IGFL2: variants seen among roughly 807,000 people sequenced by gnomAD.
IGFL2 encodes IGF like family member 2, also known as insulin growth factor-like family member 2.
In IGFL2, 7 loss-of-function variants were observed where a neutral mutation model predicts 13.9. That is an observed-to-expected ratio of 0.51 (90% CI 0.29 to 0.95). The LOEUF (loss-of-function observed/expected upper bound fraction) is 0.95. Among genes scored for constraint, IGFL2 ranks in the 40% least tolerant of loss-of-function variants. The probability of loss-of-function intolerance (pLI) is 0.08; values close to 1 mark genes in which losing one functional copy is unlikely to be tolerated. For missense variants in IGFL2, 138 were observed against 147.8 expected (o/e 0.93, Z 0.34); for synonymous variants, 55 against 55.8 (o/e 0.99, Z 0.07).
chr19:46,144,367 C>G (rs1353847529), upstream of IGFL2, among the ~76,000 whole-genome samples: 6 of 152,220 alleles, frequency 3.9e-5, no homozygotes, highest in Non-Finnish European at 8.8e-5. Context: ...CAAGTCATGA[C>G]TTGCTGATAC....
chr19:46,179,346 TG>T, the IGFL2 span: 428 of 42,576 alleles, frequency 0.01, 1 homozygote, highest in East Asian at 0.035. Flanking sequence ...GGTCATAGGG[TG>T]GGGGGGGTCT....
At chr19:46,137,753 TGA>T in the IGFL2 span, among the ~76,000 whole-genome samples, 1 of 152,230 alleles carries the variant, frequency 6.6e-6, no homozygotes, top group African/African-American at 2.4e-5. Context: ...CTGACTGAGT[TGA>T]TTCAAAGAAC....
chr19:46,100,563 A>G, the IGFL2 span, among the ~76,000 whole-genome samples: 7 of 152,360 alleles, frequency 4.6e-5, no homozygotes, highest in Admixed American at 1.3e-4. Context: ...TAGGGAAACA[A>G]TCAGATATGC....
chr19:46,200,765 TC>T, the IGFL2 span: 5 of 152,090 alleles, frequency 3.3e-5, no homozygotes, highest in Admixed American at 1.3e-4. Context: ...AAGCAATTCT[TC>T]CTCATCAGCC....
At chr19:46,202,350 C>CTGT in the IGFL2 span, among the ~76,000 whole-genome samples, 2 of 151,816 alleles carry the variant, frequency 1.3e-5, no homozygotes, top group African/African-American at 4.8e-5. Context: ...GGGTCAAATG[C>CTGT]TGTTGCAGAA....
chr19:46,211,224 G>A, the IGFL2 span, among the ~76,000 whole-genome samples: 8 of 152,310 alleles, frequency 5.3e-5, no homozygotes, highest in East Asian at 9.7e-4. Context: ...TGCATCATAC[G>A]AAGGATCCTG....
chr19:46,192,335 G>A, the IGFL2 span, among the ~76,000 whole-genome samples: 1 of 152,156 alleles, frequency 6.6e-6, no homozygotes, highest in East Asian at 1.9e-4. Flanking sequence ...AAGAATGCTC[G>A]ATGCTCAAAT....
At chr19:46,155,741 C>T (rs1181292571) in intron 1 of IGFL2, among the ~76,000 whole-genome samples, 2 of 152,108 alleles carry the variant, frequency 1.3e-5, no homozygotes, top group African/African-American at 4.8e-5. Context: ...ATTAAAAGGA[C>T]TAATCTTTGC....
At chr19:46,194,830 T>TTATATATATATATATATA in the IGFL2 span, among the ~76,000 whole-genome samples, 1 of 46,792 alleles carries the variant, frequency 2.1e-5, no homozygotes, top group African/African-American at 1.0e-4. Context: ...CTTCCTCATT[T>TTATATATATATATATATA]TATATATATA....
At chr19:46,151,946 A>G (rs776562716) in intron 1 of IGFL2, among the ~76,000 whole-genome samples, 8 of 152,208 alleles carry the variant, frequency 5.3e-5, no homozygotes, top group East Asian at 3.8e-4. Context: ...CATTGATTCT[A>G]TAGATCAATT....
the IGFL2 span, among the ~76,000 whole-genome samples, chr19:46,080,506 A>G: frequency 2.0e-5 from 3 of 152,338 alleles, no homozygotes; most frequent in South Asian, 2.1e-4. Flanking sequence ...TTTGAATGTT[A>G]TAATAATTTT....
the IGFL2 span, among the ~76,000 whole-genome samples, chr19:46,196,527 C>T: frequency 1.3e-5 from 2 of 152,220 alleles, no homozygotes; most frequent in African/African-American, 4.8e-5. Context: ...CAGTGCCAGC[C>T]ACACCCATAG....
the IGFL2 span, among the ~76,000 whole-genome samples, chr19:46,081,135 C>G: frequency 6.6e-6 from 1 of 152,162 alleles, no homozygotes; most frequent in Non-Finnish European, 1.5e-5. Context: ...CCAGGCCACA[C>G]CAAAGGTCAG....
the IGFL2 span, among the ~76,000 whole-genome samples, chr19:46,199,602 G>A: frequency 3.4e-3 from 516 of 152,286 alleles, 5 homozygotes; most frequent in African/African-American, 0.012. Flanking sequence ...TCTCACCCCA[G>A]GCCTGACTCA....
At chr19:46,098,840 T>G in the IGFL2 span, among the ~76,000 whole-genome samples, 4 of 152,310 alleles carry the variant, frequency 2.6e-5, no homozygotes, top group Admixed American at 2.6e-4. Context: ...GTTAATATTG[T>G]TATGTGTGTT....
the IGFL2 span, chr19:46,209,300 TC>T: frequency 6.6e-6 from 1 of 152,206 alleles, no homozygotes; most frequent in African/African-American, 2.4e-5. Flanking sequence ...TGCCTGAAGG[TC>T]TTTAAAGCTC....
the IGFL2 span, among the ~76,000 whole-genome samples, chr19:46,107,246 G>C: frequency 3.9e-5 from 6 of 152,186 alleles, no homozygotes; most frequent in Non-Finnish European, 7.3e-5. Flanking sequence ...ACCCTCCACT[G>C]TAAGAGTTAC....
At chr19:46,168,916 A>G in the IGFL2 span, among the ~76,000 whole-genome samples, 5,850 of 145,658 alleles carry the variant, frequency 0.04, 153 homozygotes, top group Non-Finnish European at 0.058. Flanking sequence ...GTGTGTGTGT[A>G]TGTGTGTGTG....
the IGFL2 span, chr19:46,137,572 GC>G: frequency 9.7e-7 from 1 of 1,036,230 alleles, no homozygotes. Context: ...CCGTCTCACT[GC>G]CAGATGCTGC....
Sources: gnomAD v4.1 joint callset for allele counts (sites outside exome capture counted in the v4.1 genomes callset) on GRCh38, gnomAD v4.1.1 for gene constraint, MANE v1.5 for transcripts, NCBI Gene and HGNC (gene_info 2026-07-23, HGNC 2026-07-21) for gene names.